The following PCDHA1 variants were observed in gnomAD, a reference collection of about 807,000 sequenced individuals.
PCDHA1 encodes the protein protocadherin alpha-1.
In PCDHA1, 42 loss-of-function variants were observed where a neutral mutation model predicts 61.3. The ratio of observed to expected loss-of-function variants is 0.69; its 90% CI spans 0.54 to 0.89. PCDHA1 has a LOEUF of 0.89. PCDHA1 is among the 40% of genes least tolerant of loss of function. The probability of loss-of-function intolerance (pLI) is 0.00; values close to 1 mark genes in which losing one functional copy is unlikely to be tolerated. For missense variants in PCDHA1, 1,256 were observed against 1,235.3 expected, an observed-to-expected ratio of 1.02 and a Z score of -0.25; for synonymous variants, 610 against 553.8, an observed-to-expected ratio of 1.10 and a Z score of -1.43.
chr5:140,858,054 T>G, intron 1 of PCDHA1: 2 of 1,597,316 alleles, frequency 1.3e-6, no homozygotes, highest in South Asian at 2.2e-5. Flanking sequence ...GTGTCGCTTG[T>G]GGAGGGCAGC....
rs782194525 is a variant in PCDHA1 at position 140,927,807 on chromosome 5, C to T, written c.2395-51142C>T. The T allele has an allele frequency of 8.7e-6, 14 of 1,614,088 alleles. No homozygotes were observed. In the African/African-American group the frequency reaches 1.3e-4, roughly 15 times the overall value. Reference sequence around the variant, plus strand: ...CTTCACTAGGTCCGCCTGAAACGCTCTTGGAGGCATACATTGAGGCGAGGG... The same window carrying T: ...CTTCACTAGGTCCGCCTGAAACGCTTTTGGAGGCATACATTGAGGCGAGGG... On this transcript the variant is annotated intron_variant, in intron 1 of 3. Coordinates refer to ENST00000504120, the MANE Select transcript of PCDHA1 (RefSeq NM_018900.4).
At chr5:140,877,207 G>T in intron 1 of PCDHA1, 1 of 1,613,796 alleles carries the variant, frequency 6.2e-7, no homozygotes, top group Non-Finnish European at 8.5e-7. Flanking sequence ...CGCAGTTAGC[G>T]AGTTGGTACC....
chr5:140,862,306 C>G (rs184682479), intron 1 of PCDHA1: 1 of 279,556 alleles, frequency 3.6e-6, no homozygotes, highest in East Asian at 8.6e-5. Context: ...CACTGGGTAC[C>G]GTCATAGCCC....
intron 1 of PCDHA1, chr5:140,824,610 G>GTGT (rs1768191919): frequency 1.1e-5 from 1 of 95,104 alleles, no homozygotes; most frequent in South Asian, 3.6e-4. Context: ...GCTAATTAAA[G>GTGT]TTTTTTTTTT....
At chr5:140,825,739 G>A (rs1335212262) in intron 1 of PCDHA1, 5 of 152,354 alleles carry the variant, frequency 3.3e-5, no homozygotes, top group Non-Finnish European at 5.9e-5. Context: ...TTATATTGAT[G>A]AGGAGTAACT....
chr5:140,796,472 C>T (rs782245079), intron 1 of PCDHA1: 3 of 1,612,142 alleles, frequency 1.9e-6, no homozygotes, highest in Admixed American at 3.3e-5. Flanking sequence ...GGCGAGCGCG[C>T]GTTGTCGAGC....
intron 1 of PCDHA1, among the ~76,000 whole-genome samples, chr5:140,827,341 T>C (rs1438328156): frequency 6.6e-6 from 1 of 152,148 alleles, no homozygotes; most frequent in Non-Finnish European, 1.5e-5. Flanking sequence ...TGGTGAAGTA[T>C]ATGAAAAGAA....
chr5:140,975,868 C>T (rs553871611), intron 1 of PCDHA1, among the ~76,000 whole-genome samples: 2 of 152,222 alleles, frequency 1.3e-5, no homozygotes, highest in East Asian at 3.9e-4. Flanking sequence ...ATATGGACTA[C>T]CTAATTGATT....
In PCDHA1 at chr5:140,788,335, C is replaced by G. The variant is rs781866633; in HGVS notation, c.2045C>G (p.Ala682Gly). Residue 682 changes from alanine (A) to glycine (G), a missense_variant, in exon 1 of 4, where the codon GCG becomes GGG. Ala to Gly is a moderately conservative substitution (Grantham distance 60). Transcript: ENST00000504120. Reference sequence around the variant, plus strand: ...CAGGCGCCAAAGGCGTCTTCGCGGGCGTCGGTGGGTGTCGCGGGCCCAGAG... The same window carrying G: ...CAGGCGCCAAAGGCGTCTTCGCGGGGGTCGGTGGGTGTCGCGGGCCCAGAG... ...SGQAPKASSR[A>G]SVGVAGPEAA... 6.2e-7 allele frequency: 1 copy of G among 1,613,816 alleles called. No individual in the cohort carries two copies. Among genetic ancestry groups the G allele is most frequent in the African/African-American group, 1.3e-5 (1 of 74,940 alleles).
intron 1 of PCDHA1, among the ~76,000 whole-genome samples, chr5:140,941,230 T>C (rs536346214): frequency 7.3e-6 from 1 of 137,584 alleles, no homozygotes; most frequent in African/African-American, 2.9e-5. Context: ...TTTCTTTCTT[T>C]CTTTCTTTCT....
rs2150313272 is a variant in PCDHA1, at chr5:140,841,310, C to G, written c.2394+52626C>G. 53 of 1,550,820 alleles carry G rather than the reference C, an allele frequency of 3.4e-5. No individual in the cohort carries two copies. In the Middle Eastern group the frequency reaches 5.2e-4, roughly 15 times the overall value. Reference sequence around the variant, plus strand: ...TAAGATAATATTTTCTGATAGGAAACGACTATTTAACATGGATTATCACTG... The same window carrying G: ...TAAGATAATATTTTCTGATAGGAAAGGACTATTTAACATGGATTATCACTG... On this transcript the variant is annotated intron_variant, in intron 1 of 3. Transcript: ENST00000504120.
At position 140,850,000 on chromosome 5, in the gene PCDHA1, G is replaced by A. The variant is rs2150462633; in HGVS notation, c.2394+61316G>A. 7 of 1,597,068 alleles carry A rather than the reference G, an allele frequency of 4.4e-6. No individual in the cohort carries two copies. In the Admixed American group the frequency reaches 8.4e-5, roughly 19 times the overall value. ...CTGGTGGAGCGGCGGTTGGGCGAGCGCTCGCTGTCGAGCTACGTGTCAGTG... is the reference window on the plus strand; with the variant it reads ...CTGGTGGAGCGGCGGTTGGGCGAGCACTCGCTGTCGAGCTACGTGTCAGTG... On this transcript the variant is annotated intron_variant, in intron 1 of 3. Transcript: ENST00000504120.
chr5:140,927,702 C>A lies in PCDHA1; in HGVS notation c.2395-51247C>A, dbSNP rs533775539. ...AAGGGTCCAATGGGGAAGTCCAGTACTCCCTAAGCAACAGCACGCAAGCAG... is the reference window on the plus strand; with the variant it reads ...AAGGGTCCAATGGGGAAGTCCAGTAATCCCTAAGCAACAGCACGCAAGCAG... On this transcript the variant is annotated intron_variant, in intron 1 of 3. Coordinates refer to ENST00000504120, the MANE Select transcript of PCDHA1 (RefSeq NM_018900.4). 6.8e-6 allele frequency: 11 copies of A among 1,614,092 alleles called. 1 individual carries two copies. The South Asian group carries it at 1.2e-4, about 18-fold the overall frequency.
At chr5:140,812,436 A>G (rs1357466680) in intron 1 of PCDHA1, 2 of 152,114 alleles carry the variant, frequency 1.3e-5, no homozygotes, top group African/African-American at 4.8e-5. Context: ...AAATCAACTA[A>G]GTTTAAAAAC....
intron 1 of PCDHA1, chr5:140,850,880 A>T (rs2150501340): frequency 6.3e-7 from 1 of 1,586,802 alleles, no homozygotes; most frequent in African/African-American, 1.4e-5. Flanking sequence ...CCTCAGATTC[A>T]ACTGGGAAGG....
At position 140,788,551 on chromosome 5, in the gene PCDHA1, G is replaced by A. The variant is rs968810223; in HGVS notation, c.2261G>A (p.Arg754Lys). Residue 754 changes from arginine (R) to lysine (K), a missense_variant, in exon 1 of 4, where the codon AGG becomes AAG. Transcript: ENST00000504120. The stretch of plus-strand genomic sequence containing the variant: ...GGGAGCTGGTCGAACTCACAGCAGA[G>A]GCGGCAGAGGGTGTGCTCTAGCGAG... ...ALGSWSNSQQ[R>K]RQRVCSSEGP... The A allele has an allele frequency of 1.2e-6, 2 of 1,614,144 alleles. No individual in the cohort carries two copies. The highest frequency in any genetic ancestry group is 1.1e-5 in the South Asian group (1 of 91,074).
intron 1 of PCDHA1, chr5:140,829,231 T>A (rs2150164314): frequency 3.7e-6 from 6 of 1,614,244 alleles, no homozygotes; most frequent in Non-Finnish European, 5.1e-6. Context: ...TCGATTCAGG[T>A]GCCAACGGGC....
At chr5:140,927,808 T>A (rs782535814) in intron 1 of PCDHA1, 1 of 1,614,208 alleles carries the variant, frequency 6.2e-7, no homozygotes, top group African/African-American at 1.3e-5. Context: ...TGAAACGCTC[T>A]TGGAGGCATA....
intron 1 of PCDHA1, among the ~76,000 whole-genome samples, chr5:140,971,090 T>G (rs1554233007): frequency 1.3e-5 from 2 of 152,204 alleles, no homozygotes. Context: ...TAACAAATTC[T>G]TGTGAAGCCC....
Sources: allele counts gnomAD v4.1 joint callset (sites outside exome capture counted in the v4.1 genomes callset), GRCh38; gene constraint gnomAD v4.1.1; transcripts MANE v1.5; gene names NCBI Gene and HGNC (gene_info 2026-07-23, HGNC 2026-07-21).